Variants in TRIO observed in about 807,000 individuals in gnomAD.
TRIO encodes the protein triple functional domain protein.
TRIO carries 58 observed loss-of-function variants against 351.9 expected under a neutral mutation model. The observed-to-expected ratio is 0.16, with a 90% CI of 0.13 to 0.21. The LOEUF is 0.21. TRIO is among the 10% of genes least tolerant of loss of function. The probability of loss-of-function intolerance (pLI) is 1.00; values close to 1 mark genes in which losing one functional copy is unlikely to be tolerated. For synonymous variants in TRIO, 1,758 were observed against 1,595.7 expected (o/e 1.10, Z -2.42); for missense variants, 3,201 against 4,027.8 (o/e 0.79, Z 5.56).
chr5:14,381,308 A>C, intron 21 of TRIO, 56 bp downstream of exon 21: 1 of 1,534,248 alleles, frequency 6.5e-7, no homozygotes, highest in African/African-American at 1.4e-5. Context: ...GAGTCTTCAA[A>C]AATATCATAA....
intron 4 of TRIO, among the ~76,000 whole-genome samples, chr5:14,289,514 C>G (rs772622556): frequency 1.3e-5 from 2 of 151,870 alleles, no homozygotes; most frequent in African/African-American, 2.4e-5. Context: ...CATCGCCACA[C>G]TCCAGTCTGG....
chr5:14,303,439 T>C (rs374695609), intron 7 of TRIO, among the ~76,000 whole-genome samples: 2 of 138,946 alleles, frequency 1.4e-5, no homozygotes, highest in East Asian at 2.2e-4. Context: ...GTGGAGGAGA[T>C]TGAGCCAGGA....
intron 9 of TRIO, among the ~76,000 whole-genome samples, chr5:14,329,975 C>T (rs749472029): frequency 1.2e-4 from 18 of 152,248 alleles, no homozygotes; most frequent in East Asian, 3.9e-4. Context: ...TACGGAGAGC[C>T]GACTGTACTT....
Position 14,348,851 on chromosome 5 carries a change from A to G in TRIO, c.2047-9327A>G, listed in dbSNP as rs1307307610. On this transcript the variant is annotated intron_variant, in intron 11 of 56. Transcript: ENST00000344204. Reference sequence around the variant, plus strand: ...TTTATGTGTGTGTACGCACGTGAGCATGTTTTTCCTGTATATGTGTATGCA... The same window carrying G: ...TTTATGTGTGTGTACGCACGTGAGCGTGTTTTTCCTGTATATGTGTATGCA... Among the ~76,000 whole-genome samples, 11 of 142,936 alleles carry G rather than the reference A, an allele frequency of 7.7e-5. 1 individual carries two copies. Among genetic ancestry groups the G allele is most frequent in the Non-Finnish European group, 1.2e-4 (8 of 65,202 alleles). 93.8% of individuals were successfully genotyped at this position (142,936 alleles called of 152,430 possible).
rs544761566 is a variant in TRIO at position 14,268,370 on chromosome 5, G to A, written c.158-2455G>A. On this transcript the variant is annotated intron_variant, in intron 1 of 56. Coordinates refer to ENST00000344204, the MANE Select transcript of TRIO (RefSeq NM_007118.4). ...TAGCAGTAATTGTCAAAAATGCTTTGGAATGATGACTCAGGTCACACAGCT... is the reference window on the plus strand; with the variant it reads ...TAGCAGTAATTGTCAAAAATGCTTTAGAATGATGACTCAGGTCACACAGCT... Among the ~76,000 whole-genome samples, 7 of 152,332 alleles carry A rather than the reference G, an allele frequency of 4.6e-5. No individual in the cohort carries two copies. The South Asian group carries it at 1.4e-3, about 32-fold the overall frequency.
At position 14,395,760 on chromosome 5, in the gene TRIO, A is replaced by T. The variant is rs541434311; in HGVS notation, c.4312-1283A>T. ...CTATTACTGACTGGTAGTAATTATT[A>T]ATACACCAATAAGAAAGTATCTTGG... is the stretch of plus-strand genomic sequence containing the variant. On this transcript the variant is annotated intron_variant, in intron 28 of 56. Transcript: ENST00000344204. Among the ~76,000 whole-genome samples, 21 of 152,326 alleles carry T rather than the reference A, an allele frequency of 1.4e-4. No homozygotes were observed. In the South Asian group the frequency reaches 4.1e-3, roughly 30 times the overall value.
At chr5:14,359,760 A>C (rs966935699) in intron 13 of TRIO, among the ~76,000 whole-genome samples, 2 of 152,210 alleles carry the variant, frequency 1.3e-5, no homozygotes, top group East Asian at 1.9e-4. Flanking sequence ...GTTGGAAACT[A>C]TAGAGCAGGC....
chr5:14,151,248 A>G (rs1787809633), intron 1 of TRIO, among the ~76,000 whole-genome samples: 1 of 152,196 alleles, frequency 6.6e-6, no homozygotes, highest in Admixed American at 6.5e-5. Flanking sequence ...TGTTAGCCCC[A>G]CCTACTTTTA....
chr5:14,324,319 T>C (rs1047369658), intron 9 of TRIO, among the ~76,000 whole-genome samples: 2 of 152,248 alleles, frequency 1.3e-5, no homozygotes, highest in South Asian at 2.1e-4. Flanking sequence ...GAGGAGCTTA[T>C]TTTCATTTTT....
In TRIO at chr5:14,496,934, G is replaced by T. The variant is rs527326999; in HGVS notation, c.7936G>T (p.Asp2646Tyr). 33 of 1,614,048 alleles carry T rather than the reference G, an allele frequency of 2.0e-5. No individual in the cohort carries two copies. Among genetic ancestry groups the T allele is most frequent in the Non-Finnish European group, 2.6e-5 (31 of 1,180,036 alleles). The change falls in exon 50 of 57, where the codon GAT becomes TAT. Residue 2646 changes from aspartate to tyrosine, a missense_variant. Asp to Tyr is a radical substitution (Grantham distance 160, BLOSUM62 -3). Transcript: ENST00000344204. The stretch of plus-strand genomic sequence containing the variant: ...TTTAAGGAAAAAATCTGAGAAAAAA[G>T]ATAAAGACGGCAAAAGGGAAGGCAA... ...LRLRKKSEKK[D>Y]KDGKREGKLE...
intron 52 of TRIO, 66 bp downstream of exon 52, chr5:14,498,317 G>A: frequency 6.3e-7 from 1 of 1,584,042 alleles, no homozygotes; most frequent in Non-Finnish European, 8.6e-7. Flanking sequence ...TTGGCAACTG[G>A]AAATTCCTCC....
At chr5:14,293,467 C>T (rs1346767965) in intron 6 of TRIO, among the ~76,000 whole-genome samples, 1 of 152,206 alleles carries the variant, frequency 6.6e-6, no homozygotes, top group Non-Finnish European at 1.5e-5. Flanking sequence ...CTGGGAGGCA[C>T]AGTGAGTCCC....
At position 14,498,082 on chromosome 5, in the gene TRIO, C is replaced by T; in HGVS notation, c.8048-7C>T. ...GATGGGCCTTTACCGACTCCTTTCCCATGCAGTTCCCCCAGAATTCGTCAT... is the reference window on the plus strand; with the variant it reads ...GATGGGCCTTTACCGACTCCTTTCCTATGCAGTTCCCCCAGAATTCGTCAT... On this transcript the variant is annotated splice_region_variant and splice_polypyrimidine_tract_variant and intron_variant, in intron 51 of 56. Coordinates refer to ENST00000344204, the MANE Select transcript of TRIO (RefSeq NM_007118.4). The T allele has an allele frequency of 6.2e-7, 1 of 1,614,108 alleles. No individual in the cohort carries two copies. The highest frequency in any genetic ancestry group is 8.5e-7 in the Non-Finnish European group (1 of 1,180,008).
rs548881695 is a variant in TRIO at position 14,299,885 on chromosome 5, T to G, written c.1368+2622T>G. 1.5e-4 allele frequency among the ~76,000 whole-genome samples: 23 copies of G among 152,372 alleles called. No individual in the cohort carries two copies. In the East Asian group the frequency reaches 1.9e-3, roughly 13 times the overall value. ...CTCTGTAAGGATTACAGCTCTTAGCTGCACCGTCCGGCCCTGCCCTCTCTC... is the reference window on the plus strand; with the variant it reads ...CTCTGTAAGGATTACAGCTCTTAGCGGCACCGTCCGGCCCTGCCCTCTCTC... On this transcript the variant is annotated intron_variant, in intron 7 of 56. Coordinates refer to ENST00000344204, the MANE Select transcript of TRIO (RefSeq NM_007118.4).
Position 14,287,247 on chromosome 5 carries a change from G to A in TRIO, c.540+184G>A, listed in dbSNP as rs139687481. 38 of 653,088 alleles carry A rather than the reference G, an allele frequency of 5.8e-5. No individual in the cohort carries two copies. The East Asian group carries it at 6.0e-4, about 10-fold the overall frequency. The allele number at this position is 653,088 out of a possible 1,614,324, so 40.5% of individuals were successfully genotyped here. A position where few individuals can be genotyped will look rare whatever the true frequency, so the allele number is the denominator to read the frequency against. On this transcript the variant is annotated intron_variant, in intron 4 of 56. Coordinates refer to ENST00000344204, the MANE Select transcript of TRIO (RefSeq NM_007118.4). ...ACAGAGCTGCGTTCATCATCCGAGT[G>A]GATTGTTTTACCCACATGGGCTTAG...
chr5:14,287,914 T>C (rs1007181295), intron 4 of TRIO, among the ~76,000 whole-genome samples: 10 of 152,262 alleles, frequency 6.6e-5, no homozygotes, highest in African/African-American at 2.4e-4. Context: ...ATATTAAACA[T>C]CAGACAGTGT....
chr5:14,404,646 G>T (rs987988654), intron 31 of TRIO, among the ~76,000 whole-genome samples: 1 of 151,824 alleles, frequency 6.6e-6, no homozygotes, highest in South Asian at 2.1e-4. Context: ...CTTTCCCCCC[G>T]CTTTCCCCGG....
At chr5:14,309,722 G>C (rs1268285240) in intron 8 of TRIO, among the ~76,000 whole-genome samples, 1 of 152,176 alleles carries the variant, frequency 6.6e-6, no homozygotes, top group Non-Finnish European at 1.5e-5. Flanking sequence ...CAGATACGGA[G>C]CCCCTGCTAA....
At chr5:14,285,428 T>TA (rs963106084) in intron 3 of TRIO, among the ~76,000 whole-genome samples, 5 of 151,980 alleles carry the variant, frequency 3.3e-5, no homozygotes, top group African/African-American at 9.7e-5. Context: ...TACACCCTCT[T>TA]ACTGATGTAG....
Sources: gnomAD v4.1 joint callset for allele counts (sites outside exome capture counted in the v4.1 genomes callset) on GRCh38, gnomAD v4.1.1 for gene constraint, MANE v1.5 for transcripts, NCBI Gene and HGNC (gene_info 2026-07-23, HGNC 2026-07-21) for gene names.